VASH1: variants seen among roughly 807,000 people sequenced by gnomAD.
VASH1 encodes tubulinyl-Tyr carboxypeptidase 1.
A neutral mutation model predicts 35.0 loss-of-function variants in VASH1; 16 were observed. That is an observed-to-expected ratio of 0.46 (90% CI 0.31 to 0.70). VASH1 has a LOEUF of 0.70. Ranked by LOEUF, VASH1 falls within the 30% of genes least tolerant of loss-of-function variation. The pLI, the probability that VASH1 is intolerant of heterozygous loss-of-function variation, is 0.05. For synonymous variants in VASH1, 214 were observed against 200.9 expected, an observed-to-expected ratio of 1.07 and a Z score of -0.55; for missense variants, 505 against 510.7, an observed-to-expected ratio of 0.99 and a Z score of 0.11.
chr14:76,762,590 CAG>C lies in VASH1; in HGVS notation c.-230_-229del, dbSNP rs778554052. On this transcript the variant is annotated 5_prime_UTR_variant, in exon 1 of 7. It removes the in-frame stop codon of an upstream open reading frame in the 5' UTR. Coordinates refer to ENST00000167106, the MANE Select transcript of VASH1 (RefSeq NM_014909.5). ...TGTTCTCTTTATTCCGTTTTTCAAA[CAG>C]AACAAGGCCTCCAAGGCTGACCCCA... The C allele has an allele frequency of 4.3e-5, 17 of 397,456 alleles. No homozygotes were observed. Among genetic ancestry groups the C allele is most frequent in the Non-Finnish European group, 7.3e-5 (16 of 218,776 alleles). The allele number at this position is 397,456 out of a possible 1,614,324, so 24.6% of individuals were successfully genotyped here.
At chr14:76,763,539 T>C (rs893229379) in intron 1 of VASH1, among the ~76,000 whole-genome samples, 3 of 152,352 alleles carry the variant, frequency 2.0e-5, no homozygotes, top group Admixed American at 6.5e-5. Flanking sequence ...GTGCATTATG[T>C]CATTGAATTC....
Position 76,779,335 on chromosome 14 carries a change from A to G in VASH1, c.*317A>G. 2.9e-6 allele frequency: 2 copies of G among 699,188 alleles called. No homozygotes were observed. The highest frequency in any genetic ancestry group is 5.2e-6 in the Non-Finnish European group (2 of 382,758). 43.3% of individuals were successfully genotyped at this position (699,188 alleles called of 1,614,324 possible). ...CCAGTGCTTAACAAATCCATGTGTCATGGGGCCAGGTGAGGGAAACTGCTG... is the reference window on the plus strand; with the variant it reads ...CCAGTGCTTAACAAATCCATGTGTCGTGGGGCCAGGTGAGGGAAACTGCTG... On this transcript the variant is annotated 3_prime_UTR_variant, in exon 7 of 7. Transcript: ENST00000167106.
rs1456982502 is a variant in VASH1 at position 76,782,548 on chromosome 14, A to G, written c.*3530A>G. The G allele has an allele frequency of 6.6e-6, 1 of 152,232 alleles. No individual in the cohort carries two copies. The highest frequency in any genetic ancestry group is 1.9e-4 in the East Asian group (1 of 5,200). 9.4% of individuals were successfully genotyped at this position (152,232 alleles called of 1,614,324 possible). ...GCCCTGTGTCCCTGGGCTCGCTCCA[A>G]GTGCAGGAACATACATGCAGGGCCC... On this transcript the variant is annotated 3_prime_UTR_variant, in exon 7 of 7. Transcript: ENST00000167106.
At chr14:76,777,931 ATGCTGT>A (rs1179895530) in intron 5 of VASH1, 22 bp from the exon 6 acceptor site, 1 of 1,455,492 alleles carries the variant, frequency 6.9e-7, no homozygotes, top group African/African-American at 1.5e-5. Context: ...TCCTGGAGTG[ATGCTGT>A]TGCTTCCTCC....
chr14:76,767,913 C>T (rs1369120936), intron 1 of VASH1, among the ~76,000 whole-genome samples: 1 of 152,216 alleles, frequency 6.6e-6, no homozygotes, highest in Admixed American at 6.5e-5. Flanking sequence ...CTAGTGCTTT[C>T]GTGGGTACTG....
At position 76,773,293 on chromosome 14, in the gene VASH1, T is replaced by C. The variant is rs577115091; in HGVS notation, c.530+82T>C. On this transcript the variant is annotated intron_variant, in intron 4 of 6. Transcript: ENST00000167106. Reference sequence around the variant, plus strand: ...GCTCTGAAAGTGAGGGTGGGGTAGGTTGAATGGGCTCCAGGGCTCTCCCAT... The same window carrying C: ...GCTCTGAAAGTGAGGGTGGGGTAGGCTGAATGGGCTCCAGGGCTCTCCCAT... 5.5e-5 allele frequency: 77 copies of C among 1,401,054 alleles called. 1 individual carries two copies. The Admixed American group carries it at 1.2e-3, about 23-fold the overall frequency. 86.8% of individuals were successfully genotyped at this position (1,401,054 alleles called of 1,614,324 possible).
chr14:76,779,884 G>A lies in VASH1; in HGVS notation c.*866G>A, dbSNP rs897823583. On this transcript the variant is annotated 3_prime_UTR_variant, in exon 7 of 7. Coordinates refer to ENST00000167106, the MANE Select transcript of VASH1 (RefSeq NM_014909.5). ...GCAAACCCTGGGTGCCAGTCCAGGA[G>A]CTGTGGCTGGACATGGGGTGATGGG... The A allele has an allele frequency of 1.3e-5, 4 of 298,256 alleles. No individual in the cohort carries two copies. The highest frequency in any genetic ancestry group is 9.1e-5 in the Admixed American group (2 of 21,878). 18.5% of individuals were successfully genotyped at this position (298,256 alleles called of 1,614,324 possible).
In VASH1 at chr14:76,778,041, C is replaced by A; in HGVS notation, c.995C>A (p.Pro332His). ...TCCCCGCAGCGGGCCCAGTCCAGCC[C>A]CCACCGCAGGAACAGCCGCAGTGAA... ...VSSPQRAQSSPHRRNSRSERR... is the reference protein window; with the variant it reads ...VSSPQRAQSSHHRRNSRSERR... The change falls in exon 6 of 7, where the codon CCC (proline) becomes CAC (histidine). Residue 332 changes from proline (P) to histidine (H), a missense_variant. By Grantham distance (77) the Pro-to-His change is moderately conservative (BLOSUM62 -2). Coordinates refer to ENST00000167106, the MANE Select transcript of VASH1 (RefSeq NM_014909.5). The A allele has an allele frequency of 1.3e-6, 2 of 1,522,794 alleles. No homozygotes were observed. Among genetic ancestry groups the A allele is most frequent in the Non-Finnish European group, 8.8e-7 (1 of 1,135,790 alleles). The allele number at this position is 1,522,794 out of a possible 1,614,324, so 94.3% of individuals were successfully genotyped here.
Position 76,779,641 on chromosome 14 carries a change from T to C in VASH1, c.*623T>C, listed in dbSNP as rs1339738415. ...TGGCTCAGGAGAGCCTTCAGGCCCTTGAGGCCCCCATGGGCAGTGCTGTGT... is the reference window on the plus strand; with the variant it reads ...TGGCTCAGGAGAGCCTTCAGGCCCTCGAGGCCCCCATGGGCAGTGCTGTGT... On this transcript the variant is annotated 3_prime_UTR_variant, in exon 7 of 7. Coordinates refer to ENST00000167106, the MANE Select transcript of VASH1 (RefSeq NM_014909.5). The C allele has an allele frequency of 9.8e-6, 6 of 610,876 alleles. No homozygotes were observed. The highest frequency in any genetic ancestry group is 1.5e-5 in the Non-Finnish European group (5 of 342,948). The allele number at this position is 610,876 out of a possible 1,614,324, so 37.8% of individuals were successfully genotyped here.
At chr14:76,767,242 C>CTCAA (rs1407015853) in intron 1 of VASH1, among the ~76,000 whole-genome samples, 1 of 68,394 alleles carries the variant, frequency 1.5e-5, no homozygotes, top group Non-Finnish European at 3.2e-5. Flanking sequence ...GAAACTCTGT[C>CTCAA]TCAATAAATA....
At chr14:76,771,371 TG>T (rs545489058) in intron 3 of VASH1, 125 bp downstream of exon 3, 189 of 879,584 alleles carry the variant, frequency 2.1e-4, no homozygotes, top group Admixed American at 1.3e-3. Flanking sequence ...AGCCAGCCTT[TG>T]GGGGCAGGTG....
Position 76,780,423 on chromosome 14 carries a change from A to G in VASH1, c.*1405A>G, listed in dbSNP as rs1481931305. 6.6e-6 allele frequency: 1 copy of G among 152,290 alleles called. No individual in the cohort carries two copies. The highest frequency in any genetic ancestry group is 2.4e-5 in the African/African-American group (1 of 41,412). The allele number at this position is 152,290 out of a possible 1,614,324, so 9.4% of individuals were successfully genotyped here. A position where few individuals can be genotyped will look rare whatever the true frequency, so the allele number is the denominator to read the frequency against. Reference sequence around the variant, plus strand: ...GATTGTGGAAGGGTAAACGGATGAGATGACCATTAAGGTTTTGTTTTACTG... The same window carrying G: ...GATTGTGGAAGGGTAAACGGATGAGGTGACCATTAAGGTTTTGTTTTACTG... On this transcript the variant is annotated 3_prime_UTR_variant, in exon 7 of 7. Transcript: ENST00000167106.
intron 1 of VASH1, among the ~76,000 whole-genome samples, chr14:76,764,949 C>T (rs1340078762): frequency 1.3e-5 from 2 of 152,166 alleles, no homozygotes; most frequent in Admixed American, 1.3e-4. Flanking sequence ...ACCTCAGCCT[C>T]CCAAAGTGCT....
chr14:76,762,355 G>C lies in VASH1; in HGVS notation c.-467G>C, dbSNP rs1893526713. 6.5e-6 allele frequency: 1 copy of C among 153,088 alleles called. No individual in the cohort carries two copies. Among genetic ancestry groups the C allele is most frequent in the South Asian group, 2.1e-4 (1 of 4,850 alleles). The allele number at this position is 153,088 out of a possible 1,614,324, so 9.5% of individuals were successfully genotyped here. A position where few individuals can be genotyped will look rare whatever the true frequency, so the allele number is the denominator to read the frequency against. ...GCGCAGATGTGAGCGTGCGAGAGTTGTGTAGGGGATTTTGTTCCCTCCGAA... is the reference window on the plus strand; with the variant it reads ...GCGCAGATGTGAGCGTGCGAGAGTTCTGTAGGGGATTTTGTTCCCTCCGAA... On this transcript the variant is annotated 5_prime_UTR_variant, in exon 1 of 7. Transcript: ENST00000167106.
Position 76,769,963 on chromosome 14 carries a change from A to G in VASH1, c.310A>G (p.Ile104Val). The G allele has an allele frequency of 6.2e-7, 1 of 1,613,916 alleles. No individual in the cohort carries two copies. The highest frequency in any genetic ancestry group is 8.5e-7 in the Non-Finnish European group (1 of 1,179,836). Residue 104 changes from isoleucine (I) to valine (V), a missense_variant and splice_region_variant, in exon 2 of 7, where the codon ATC (isoleucine) becomes GTC (valine). Physicochemically the swap from Ile to Val is conservative, Grantham distance 29. Transcript: ENST00000167106. ...RIRGATDLPKIPIPSVPTFQP... is the reference protein window; with the variant it reads ...RIRGATDLPKVPIPSVPTFQP... The stretch of plus-strand genomic sequence containing the variant: ...ACCGGAGCTCTTTCTCTGTCCCCAG[A>G]TCCCCATACCGAGTGTGCCTACGTT...
Position 76,762,668 on chromosome 14 carries a change from T to A in VASH1, c.-154T>A, listed in dbSNP as rs557021439. 3.5e-4 allele frequency: 210 copies of A among 599,710 alleles called. No homozygotes were observed. In the African/African-American group the frequency reaches 3.6e-3, roughly 10 times the overall value. 37.1% of individuals were successfully genotyped at this position (599,710 alleles called of 1,614,324 possible). On this transcript the variant is annotated 5_prime_UTR_variant, in exon 1 of 7. Coordinates refer to ENST00000167106, the MANE Select transcript of VASH1 (RefSeq NM_014909.5). ...TTCACCTTATTGCACTGATTTTTTT[T>A]ATCAAGTCGTATTTTATTGTACAGG...
intron 3 of VASH1, 107 bp downstream of exon 3, chr14:76,771,353 C>G: frequency 1.8e-6 from 2 of 1,113,894 alleles, no homozygotes; most frequent in South Asian, 3.0e-5. Flanking sequence ...AGGGACTCTT[C>G]TGAAGGAAGC....
chr14:76,773,316 C>A, intron 4 of VASH1, 105 bp downstream of exon 4: 2 of 1,131,716 alleles, frequency 1.8e-6, no homozygotes, highest in Non-Finnish European at 2.6e-6. Flanking sequence ...AGGGCTCTCC[C>A]ATATGCAGTC....
At chr14:76,768,454 G>A (rs1262146590) in intron 1 of VASH1, among the ~76,000 whole-genome samples, 1 of 152,130 alleles carries the variant, frequency 6.6e-6, no homozygotes, top group Non-Finnish European at 1.5e-5. Flanking sequence ...ACGGGAGGGA[G>A]GGTGAGGAAG....
Sources: allele counts gnomAD v4.1 joint callset (sites outside exome capture counted in the v4.1 genomes callset), GRCh38; gene constraint gnomAD v4.1.1; transcripts MANE v1.5; gene names NCBI Gene and HGNC (gene_info 2026-07-23, HGNC 2026-07-21).